Variants in MEI1 observed in about 807,000 individuals in gnomAD.
MEI1 encodes meiosis inhibitor protein 1.
Under a neutral mutation model 146.2 loss-of-function variants are expected in MEI1, and 103 were observed. The ratio of observed to expected loss-of-function variants is 0.70; its 90% CI spans 0.60 to 0.83. MEI1 has a LOEUF of 0.83. Ranked by LOEUF, MEI1 falls within the 40% of genes least tolerant of loss-of-function variation. The pLI is 0.00. For synonymous variants in MEI1, 652 were observed against 628.2 expected (o/e 1.04, Z -0.57); for missense variants, 1,529 against 1,533.0 (o/e 1.00, Z 0.04).
intron 26 of MEI1, among the ~76,000 whole-genome samples, chr22:41,793,382 A>T (rs144067024): frequency 0.015 from 2,294 of 148,868 alleles, 52 homozygotes; most frequent in African/African-American, 0.053. Flanking sequence ...GCTCACCGCA[A>T]CCTCCGCCTC....
At chr22:41,739,727 C>A (rs954160864) in intron 11 of MEI1, among the ~76,000 whole-genome samples, 1 of 152,070 alleles carries the variant, frequency 6.6e-6, no homozygotes, top group Non-Finnish European at 1.5e-5. Context: ...TCAGAGGCAT[C>A]TATGCTGAGC....
intron 3 of MEI1, among the ~76,000 whole-genome samples, chr22:41,707,803 T>C (rs150612858): frequency 1.2e-4 from 18 of 152,358 alleles, no homozygotes; most frequent in African/African-American, 3.8e-4. Flanking sequence ...GTGCTCATTA[T>C]TGGCAGAGCT....
chr22:41,767,501 G>T (rs1463953093), intron 19 of MEI1: 1 of 450,102 alleles, frequency 2.2e-6, no homozygotes, highest in Non-Finnish European at 4.5e-6. Context: ...AATAGCCAGA[G>T]TGTGGGTGTC....
intron 20 of MEI1, among the ~76,000 whole-genome samples, chr22:41,773,717 T>A (rs2075304635): frequency 1.3e-5 from 2 of 151,706 alleles, no homozygotes; most frequent in African/African-American, 4.8e-5. Context: ...CTACTAAAAA[T>A]ACAAAAAATT....
At chr22:41,770,209 G>C (rs897465512) in intron 19 of MEI1, among the ~76,000 whole-genome samples, 1 of 151,994 alleles carries the variant, frequency 6.6e-6, no homozygotes, top group Non-Finnish European at 1.5e-5. Context: ...TAAGTGCACA[G>C]ATTAATCTGC....
Position 41,753,992 on chromosome 22 carries a change from A to G in MEI1, c.1897A>G (p.Met633Val). The G allele has an allele frequency of 6.2e-7, 1 of 1,613,666 alleles. No individual in the cohort carries two copies. Among genetic ancestry groups the G allele is most frequent in the Middle Eastern group, 1.6e-4 (1 of 6,062 alleles). ...GGTGTGTTCCAATTTCCTCTACTAT[A>G]TGTGCCTCAACCTTCTCTCAGCTCC... ...NQVCSNFLYY[M>V]CLNLLSAPEK... The change falls in exon 17 of 31, where the codon ATG (methionine) becomes GTG (valine). Residue 633 changes from methionine to valine, a missense_variant. Around this residue, in one of 3 missense-constraint regions of MEI1, gnomAD observed 1,212 missense variants for 1,178.9 expected, o/e 1.03. Transcript: ENST00000401548.
At chr22:41,706,247 A>G (rs906819990) in intron 3 of MEI1, among the ~76,000 whole-genome samples, 14 of 152,042 alleles carry the variant, frequency 9.2e-5, no homozygotes, top group Admixed American at 4.6e-4. Flanking sequence ...TCAAACGGCT[A>G]TTCTCAAGCA....
chr22:41,780,075 CT>C (rs1368271496), intron 22 of MEI1, among the ~76,000 whole-genome samples: 1 of 152,154 alleles, frequency 6.6e-6, no homozygotes, highest in Non-Finnish European at 1.5e-5. Flanking sequence ...TGGCCTCAGC[CT>C]GGTGCCAGTC....
At chr22:41,762,962 C>G (rs545914236) in intron 18 of MEI1, among the ~76,000 whole-genome samples, 3 of 152,132 alleles carry the variant, frequency 2.0e-5, no homozygotes, top group Non-Finnish European at 4.4e-5. Flanking sequence ...TGGCCCCTAA[C>G]TGAGCCTTGC....
chr22:41,798,560 A>G (rs1334745731), intron 30 of MEI1, among the ~76,000 whole-genome samples: 2 of 149,270 alleles, frequency 1.3e-5, no homozygotes, highest in African/African-American at 2.5e-5. Flanking sequence ...CCTGGGCAAC[A>G]GACCAAGACT....
intron 2 of MEI1, among the ~76,000 whole-genome samples, chr22:41,704,896 A>T (rs553284037): frequency 9.2e-5 from 14 of 151,602 alleles, no homozygotes; most frequent in African/African-American, 3.4e-4. Flanking sequence ...TTGAATTTTT[A>T]GTAGAGGTGG....
intron 7 of MEI1, among the ~76,000 whole-genome samples, chr22:41,727,991 C>T (rs2147520886): frequency 6.6e-6 from 1 of 152,282 alleles, no homozygotes; most frequent in South Asian, 2.1e-4. Flanking sequence ...TACAGTTGTC[C>T]CTTGTATACA....
intron 30 of MEI1, 128 bp from the exon 31 acceptor site, chr22:41,799,126 A>G (rs2076486181): frequency 1.3e-6 from 1 of 784,410 alleles, no homozygotes; most frequent in East Asian, 2.8e-5. Flanking sequence ...TTCAGAATCC[A>G]TCCCACTATT....
intron 3 of MEI1, among the ~76,000 whole-genome samples, chr22:41,706,357 T>C (rs989812919): frequency 1.3e-5 from 2 of 152,180 alleles, no homozygotes; most frequent in Non-Finnish European, 2.9e-5. Context: ...TGCTAGATAC[T>C]GGATCAGGCA....
At chr22:41,724,165 A>C in intron 7 of MEI1, 92 bp downstream of exon 7, 63 of 1,463,598 alleles carry the variant, frequency 4.3e-5, no homozygotes, top group Non-Finnish European at 5.6e-5. Flanking sequence ...CTCCTATCTC[A>C]GATTTCCAAG....
intron 14 of MEI1, 165 bp downstream of exon 14, chr22:41,746,191 T>C (rs2073275964): frequency 2.0e-5 from 11 of 540,958 alleles, no homozygotes; most frequent in Non-Finnish European, 3.3e-5. Flanking sequence ...AAATAAAATG[T>C]AGTGTTTGAT....
rs2076279190 is a variant in MEI1 at position 41,793,919 on chromosome 22, T to C, written c.3427+9T>C. The C allele has an allele frequency of 1.9e-6, 3 of 1,608,116 alleles. No individual in the cohort carries two copies. The highest frequency in any genetic ancestry group is 2.5e-6 in the Non-Finnish European group (3 of 1,176,768). ...CCGGAGCCCAGACATTGGTAGAAAC[T>C]CTCCACATTATCTGATGTTCCCATG... On this transcript the variant is annotated intron_variant, in intron 27 of 30. Transcript: ENST00000401548.
intron 30 of MEI1, among the ~76,000 whole-genome samples, chr22:41,798,298 C>T (rs1050119861): frequency 2.6e-5 from 4 of 152,076 alleles, no homozygotes; most frequent in Non-Finnish European, 4.4e-5. Context: ...CTTGGATGGC[C>T]GGGTGCAGTG....
At chr22:41,758,615 C>T (rs1401117847) in intron 18 of MEI1, 82 bp downstream of exon 18, 32 of 1,406,990 alleles carry the variant, frequency 2.3e-5, no homozygotes, top group South Asian at 8.1e-5. Flanking sequence ...GGGCATCTCT[C>T]CAAGCCTGAT....
Sources: allele counts gnomAD v4.1 joint callset (sites outside exome capture counted in the v4.1 genomes callset), GRCh38; gene constraint gnomAD v4.1.1; regional missense constraint gnomAD v4.1.1; transcripts MANE v1.5; gene names NCBI Gene and HGNC (gene_info 2026-07-23, HGNC 2026-07-21).